Variants in MYH10 observed in about 807,000 individuals in gnomAD.
MYH10 encodes the protein myosin heavy chain 10.
In MYH10, 55 loss-of-function variants were observed where a neutral mutation model predicts 257.8. That is an observed-to-expected ratio of 0.21 (90% CI 0.17 to 0.27). The LOEUF (loss-of-function observed/expected upper bound fraction) is 0.27. MYH10 is among the 10% of genes least tolerant of loss of function. The pLI is 1.00. For synonymous variants in MYH10, 854 were observed against 921.7 expected (o/e 0.93, Z 1.33); for missense variants, 1,631 against 2,500.6 (o/e 0.65, Z 7.42).
chr17:8,616,061 A>G (rs1597986321), intron 2 of MYH10, among the ~76,000 whole-genome samples: 1 of 152,220 alleles, frequency 6.6e-6, no homozygotes, highest in Non-Finnish European at 1.5e-5. Context: ...AGGCAGGCGG[A>G]TTGCTTTTGC....
At chr17:8,610,154 T>C (rs1042744541) in intron 2 of MYH10, among the ~76,000 whole-genome samples, 2 of 150,496 alleles carry the variant, frequency 1.3e-5, no homozygotes, top group Non-Finnish European at 2.9e-5. Flanking sequence ...AATCTCAACA[T>C]CATAAAGTGA....
intron 36 of MYH10, 147 bp downstream of exon 36, chr17:8,487,286 C>G (rs961975678): frequency 1.0e-5 from 9 of 891,818 alleles, no homozygotes. Context: ...ACAGCGGACA[C>G]ACAAGCACTC....
rs1003500670 is a variant in MYH10 at position 8,530,616 on chromosome 17, C to A, written c.1957+7G>T. On this transcript the variant is annotated splice_region_variant and intron_variant, in intron 17 of 42. Coordinates refer to ENST00000360416, the MANE Select transcript of MYH10 (RefSeq NM_001256012.3). ...TTTTGGAAGACCTACAGGCTTTATACATTCACCTGGTGGCTCATGAAGACC... is the reference window on the plus strand; with the variant it reads ...TTTTGGAAGACCTACAGGCTTTATAAATTCACCTGGTGGCTCATGAAGACC... 1 of 1,380,384 alleles carries A rather than the reference C, an allele frequency of 7.2e-7. No individual in the cohort carries two copies. Among genetic ancestry groups the A allele is most frequent in the African/African-American group, 1.5e-5 (1 of 66,640 alleles). The allele number at this position is 1,380,384 out of a possible 1,614,324, so 85.5% of individuals were successfully genotyped here.
At position 8,506,156 on chromosome 17, in the gene MYH10, CAA is replaced by C; in HGVS notation, c.3386+160_3386+161del. 1 of 614,008 alleles carries C rather than the reference CAA, an allele frequency of 1.6e-6. No homozygotes were observed. Among genetic ancestry groups the C allele is most frequent in the Non-Finnish European group, 2.7e-6 (1 of 377,044 alleles). The allele number at this position is 614,008 out of a possible 1,614,324, so 38.0% of individuals were successfully genotyped here. ...ATGAGACTTTCTTGCTGTCCTGACACAAATTCTGTACGCCTGGGCTTTTCACT... is the reference window on the plus strand; with the variant it reads ...ATGAGACTTTCTTGCTGTCCTGACACATTCTGTACGCCTGGGCTTTTCACT... On this transcript the variant is annotated intron_variant, in intron 27 of 42. Transcript: ENST00000360416. The surrounding 1 kb of genome is among the most constrained non-coding windows in gnomAD (Gnocchi z 5.0).
At chr17:8,492,181 G>A in intron 34 of MYH10, 116 bp downstream of exon 34, 3 of 973,820 alleles carry the variant, frequency 3.1e-6, no homozygotes, top group South Asian at 3.1e-5. Flanking sequence ...TTGCTGCTGG[G>A]CTGTGCATTC....
Position 8,604,837 on chromosome 17 carries a change from C to T in MYH10, c.491G>A (p.Cys164Tyr). 1.3e-6 allele frequency: 2 copies of T among 1,543,518 alleles called. No homozygotes were observed. The highest frequency in any genetic ancestry group is 1.7e-6 in the Non-Finnish European group (2 of 1,145,594). The change falls in exon 3 of 43, where the codon TGC becomes TAC. Residue 164 changes from cysteine (C) to tyrosine (Y), a missense_variant. Physicochemically the swap from Cys to Tyr is radical, Grantham distance 194. Around this residue, in one of 11 missense-constraint regions of MYH10, gnomAD observed 360 missense variants for 581.9 expected, o/e 0.62. Coordinates refer to ENST00000360416, the MANE Select transcript of MYH10 (RefSeq NM_001256012.3). ...ATATTTCCAATTACCTTGAAGCATG[C>T]ATCTGTAAGCAGATTCAGATATAGC... ...IYAISESAYR[C>Y]MLQDREDQSI...
intron 7 of MYH10, among the ~76,000 whole-genome samples, chr17:8,565,089 T>C (rs1266513213): frequency 6.6e-6 from 1 of 152,192 alleles, no homozygotes; most frequent in Non-Finnish European, 1.5e-5. Context: ...GGTGATTTCA[T>C]AATACCATCT....
chr17:8,623,065 T>C lies in MYH10; in HGVS notation c.182A>G (p.Glu61Gly), dbSNP rs1347763968. The change falls in exon 2 of 43, where the codon GAG (glutamate) becomes GGG (glycine). Residue 61 changes from glutamate to glycine, a missense_variant. Physicochemically the swap from Glu to Gly is moderately conservative, Grantham distance 98. Transcript: ENST00000360416. ...TGCTTTCTTTCCATTCTCTGCCAAC[T>C]CCACCATAACTTCATCTCCCCGTTC... ...KEERGDEVMV[E>G]LAENGKKAMV... The C allele has an allele frequency of 6.2e-7, 1 of 1,614,132 alleles. No homozygotes were observed. The highest frequency in any genetic ancestry group is 8.5e-7 in the Non-Finnish European group (1 of 1,180,026).
At chr17:8,570,349 G>A (rs423350) in intron 6 of MYH10, among the ~76,000 whole-genome samples, 61,686 of 152,018 alleles carry the variant, frequency 0.41, 12,497 homozygotes, top group East Asian at 0.5. Context: ...CGTTGATGCT[G>A]CTAACTTGCT....
chr17:8,489,706 AAAACAC>A lies in MYH10; in HGVS notation c.4884+628_4884+633del, dbSNP rs1169622936. On this transcript the variant is annotated intron_variant, in intron 35 of 42. Transcript: ENST00000360416. ...GTGACAGAGCGAGACTCCGTCTGAA[AAAACAC>A]ACACACACACACACACACACACACA... 3.2e-4 allele frequency among the ~76,000 whole-genome samples: 36 copies of A among 112,916 alleles called. 1 individual carries two copies. The highest frequency in any genetic ancestry group is 1.3e-3 in the South Asian group (5 of 3,708). The allele number at this position is 112,916 out of a possible 152,430, so 74.1% of individuals were successfully genotyped here.
At chr17:8,489,743 A>ACACACCCACCCACC (rs1437818172) in intron 35 of MYH10, among the ~76,000 whole-genome samples, 1 of 150,162 alleles carries the variant, frequency 6.7e-6, no homozygotes, top group Non-Finnish European at 1.5e-5. Context: ...ACACACACAC[A>ACACACCCACCCACC]CACCCCAAAT....
chr17:8,506,078 A>C lies in MYH10; in HGVS notation c.3386+240T>G. 2.4e-6 allele frequency: 1 copy of C among 424,712 alleles called. No individual in the cohort carries two copies. Among genetic ancestry groups the C allele is most frequent in the Non-Finnish European group, 4.1e-6 (1 of 244,956 alleles). 26.3% of individuals were successfully genotyped at this position (424,712 alleles called of 1,614,324 possible). A position where few individuals can be genotyped will look rare whatever the true frequency, so the allele number is the denominator to read the frequency against. On this transcript the variant is annotated intron_variant, in intron 27 of 42. Coordinates refer to ENST00000360416, the MANE Select transcript of MYH10 (RefSeq NM_001256012.3). The surrounding 1 kb of genome is among the most constrained non-coding windows in gnomAD (Gnocchi z 5.0). ...ATAATTTGTTCTGGTGTGAATTTCC[A>C]AGGGTTTCATAATATAATTTGTCAT...
intron 6 of MYH10, among the ~76,000 whole-genome samples, chr17:8,572,099 G>A (rs1048965419): frequency 6.6e-6 from 1 of 152,146 alleles, no homozygotes; most frequent in African/African-American, 2.4e-5. Context: ...GACTTTGATA[G>A]TCCATCTTTA....
intron 21 of MYH10, among the ~76,000 whole-genome samples, chr17:8,517,149 T>A (rs542893010): frequency 6.6e-6 from 1 of 152,104 alleles, no homozygotes; most frequent in Admixed American, 6.5e-5. Context: ...TCAAAAAAAA[T>A]AAAATAAAAA....
chr17:8,525,233 C>T (rs2081802347), intron 17 of MYH10, among the ~76,000 whole-genome samples: 3 of 152,232 alleles, frequency 2.0e-5, no homozygotes, highest in Admixed American at 1.3e-4. Flanking sequence ...TTCTTATGCT[C>T]GGTTTTCACC....
intron 1 of MYH10, among the ~76,000 whole-genome samples, chr17:8,629,601 G>A (rs1234170054): frequency 6.6e-6 from 1 of 152,108 alleles, no homozygotes; most frequent in African/African-American, 2.4e-5. Flanking sequence ...GGACTCCGCG[G>A]CTTCAACTTC....
At chr17:8,520,850 A>T (rs779364447) in intron 19 of MYH10, 28 bp downstream of exon 19, 17 of 1,579,372 alleles carry the variant, frequency 1.1e-5, no homozygotes, top group Non-Finnish European at 1.5e-5. Flanking sequence ...TCTGATACAT[A>T]AGCAAAAAAA....
chr17:8,500,838 T>A lies in MYH10; in HGVS notation c.3732A>T (p.Glu1244Asp). The change falls in exon 29 of 43, where the codon GAA becomes GAT. Residue 1244 changes from glutamate to aspartate, a missense_variant. By Grantham distance (45) the Glu-to-Asp change is conservative. Coordinates refer to ENST00000360416, the MANE Select transcript of MYH10 (RefSeq NM_001256012.3). ...TALEELSEQL[E>D]QAKRFKANLE... ...GGGCCTCCCTTACCCGCTTGGCCTG[T>A]TCCAGCTGCTCTGAGAGCTCCTCCA... 6.2e-7 allele frequency: 1 copy of A among 1,613,336 alleles called. No individual in the cohort carries two copies. Among genetic ancestry groups the A allele is most frequent in the Non-Finnish European group, 8.5e-7 (1 of 1,179,998 alleles).
intron 1 of MYH10, among the ~76,000 whole-genome samples, chr17:8,624,513 C>T (rs2085595995): frequency 1.3e-5 from 2 of 152,134 alleles, no homozygotes; most frequent in Admixed American, 6.6e-5. Context: ...CCACTTCTCC[C>T]CTCTGTTCAC....
Sources: allele counts gnomAD v4.1 joint callset (sites outside exome capture counted in the v4.1 genomes callset), GRCh38; gene constraint gnomAD v4.1.1; regional missense constraint gnomAD v4.1.1; non-coding constraint Gnocchi (gnomAD v3.1); transcripts MANE v1.5; gene names NCBI Gene and HGNC (gene_info 2026-07-23, HGNC 2026-07-21).